THOC6: variants seen among roughly 807,000 people sequenced by gnomAD.
THOC6 encodes THO complex subunit 6.
Under a neutral mutation model 55.8 loss-of-function variants are expected in THOC6, and 39 were observed. That is an observed-to-expected ratio of 0.70 (90% CI 0.54 to 0.91). The LOEUF (loss-of-function observed/expected upper bound fraction) is 0.91. Ranked by LOEUF, THOC6 falls within the 40% of genes least tolerant of loss-of-function variation. THOC6 has a pLI of 0.00. For missense variants in THOC6, 482 were observed against 442.0 expected, an observed-to-expected ratio of 1.09 and a Z score of -0.81; for synonymous variants, 192 against 175.6, an observed-to-expected ratio of 1.09 and a Z score of -0.74.
Position 3,027,244 on chromosome 16 carries a change from G to A in THOC6, c.774G>A (p.Arg258=). Residue 258 remains arginine (R), a synonymous_variant, in exon 11 of 13, where the codon CGG becomes CGA. Coordinates refer to ENST00000326266, the MANE Select transcript of THOC6 (RefSeq NM_024339.5). ...SSTPTTIFPI[R]APQKHVTFYQ... is the part of the protein sequence containing the mutation. ...CACCCACCACCATCTTCCCCATCCGGGCGCCACAGAAGCACGTCACCTTCT... is the reference window on the plus strand; with the variant it reads ...CACCCACCACCATCTTCCCCATCCGAGCGCCACAGAAGCACGTCACCTTCT... 6.2e-7 allele frequency: 1 copy of A among 1,614,132 alleles called. No individual in the cohort carries two copies. The highest frequency in any genetic ancestry group is 8.5e-7 in the Non-Finnish European group (1 of 1,180,030).
intron 1 of THOC6, among the ~76,000 whole-genome samples, chr16:3,025,081 T>C (rs941405771): frequency 3.3e-5 from 5 of 151,816 alleles, no homozygotes; most frequent in African/African-American, 9.7e-5. Context: ...TAGCTGAGAT[T>C]ACAGGCATGC....
At position 3,027,384 on chromosome 16, in the gene THOC6, G is replaced by C. The variant is rs2072825823; in HGVS notation, c.829G>C (p.Gly277Arg). 6.2e-7 allele frequency: 1 copy of C among 1,612,820 alleles called. No individual in the cohort carries two copies. The highest frequency in any genetic ancestry group is 1.3e-5 in the African/African-American group (1 of 75,064). ...YQDLILSAGQ[G>R]RCVNQWQLSG... ...TCTGCAGATTCTGTCAGCTGGCCAG[G>C]GCCGCTGCGTCAACCAGTGGCAGCT... The change falls in exon 12 of 13, where the codon GGC becomes CGC. Residue 277 changes from glycine (G) to arginine (R), a missense_variant. Gly to Arg is a moderately radical substitution (Grantham distance 125). Coordinates refer to ENST00000326266, the MANE Select transcript of THOC6 (RefSeq NM_024339.5).
At position 3,026,506 on chromosome 16, in the gene THOC6, TC is replaced by T. The variant is rs1012848748; in HGVS notation, c.412-8del. 1.9e-6 allele frequency: 3 copies of T among 1,614,060 alleles called. No homozygotes were observed. The Admixed American group carries it at 5.0e-5, about 27-fold the overall frequency. ...ACATTGACTTTCTGCCTCATCCTGC[TC>T]CTCCACAGGAGAATTCCCTCATCCT... On this transcript the variant is annotated splice_polypyrimidine_tract_variant and intron_variant, in intron 6 of 12. Transcript: ENST00000326266.
chr16:3,024,684 GAGTGC>G (rs1239838208), intron 1 of THOC6, among the ~76,000 whole-genome samples: 1 of 135,468 alleles, frequency 7.4e-6, no homozygotes, highest in Non-Finnish European at 1.5e-5. Context: ...ACCTAGGCTA[GAGTGC>G]AGTGGCGCGA....
Position 3,026,700 on chromosome 16 carries a change from G to A in THOC6, c.505G>A (p.Asp169Asn). 1 of 1,613,642 alleles carries A rather than the reference G, an allele frequency of 6.2e-7. No homozygotes were observed. Among genetic ancestry groups the A allele is most frequent in the South Asian group, 1.1e-5 (1 of 90,996 alleles). Residue 169 changes from aspartate (D) to asparagine (N), a missense_variant, in exon 8 of 13, where the codon GAC (aspartate) becomes AAC (asparagine). Transcript: ENST00000326266. ...TFTRVLRGHT[D>N]YIHCLALRER... ...GCAGAGGGTCCTCCGGGGCCACACA[G>A]ACTACATCCACTGCCTGGCACTGCG...
chr16:3,025,895 C>T (rs1039869394), intron 2 of THOC6, 29 bp from the exon 3 acceptor site: 2 of 1,614,246 alleles, frequency 1.2e-6, no homozygotes, highest in Non-Finnish European at 8.5e-7. Context: ...CCGTTTCTGA[C>T]TCCTGGGTCC....
intron 1 of THOC6, among the ~76,000 whole-genome samples, chr16:3,025,175 C>A (rs1388519804): frequency 6.6e-6 from 1 of 152,102 alleles, no homozygotes; most frequent in Non-Finnish European, 1.5e-5. Context: ...CTCCTGACCT[C>A]AGGTGGTCCA....
At chr16:3,024,447 C>T (rs1433051219) in intron 1 of THOC6, 82 bp downstream of exon 1, 3 of 1,570,070 alleles carry the variant, frequency 1.9e-6, no homozygotes, top group Non-Finnish European at 2.6e-6. Context: ...GAATCGTGCC[C>T]TGAGCCCTGT....
Position 3,027,608 on chromosome 16 carries a change from T to G in THOC6, c.977T>G (p.Val326Gly), listed in dbSNP as rs1596479453. ...VLTAAGNSCR[V>G]DVFTNLGYRA... is the part of the protein sequence containing the mutation. ...ACAGCTGCAGGCAACAGCTGCCGGG[T>G]GGATGTCTTCACCAACCTGGGTTAC... Residue 326 changes from valine to glycine, a missense_variant, in exon 13 of 13, where the codon GTG becomes GGG. Transcript: ENST00000326266. 1 of 1,614,070 alleles carries G rather than the reference T, an allele frequency of 6.2e-7. No homozygotes were observed. The highest frequency in any genetic ancestry group is 8.5e-7 in the Non-Finnish European group (1 of 1,179,986).
rs374952281 is a variant in THOC6, at chr16:3,026,272, C to G, written c.346C>G (p.Arg116Gly). 5 of 1,614,090 alleles carry G rather than the reference C, an allele frequency of 3.1e-6. No individual in the cohort carries two copies. The highest frequency in any genetic ancestry group is 4.2e-6 in the Non-Finnish European group (5 of 1,180,024). ...LKKGCKELWR[R>G]QPPYRTSLEV... is the part of the protein sequence containing the mutation. The stretch of plus-strand genomic sequence containing the variant: ...GAAGGGCTGTAAGGAGCTGTGGCGT[C>G]GTCAGCCTCCATACAGGTGAGCAGG... Residue 116 changes from arginine to glycine, a missense_variant, in exon 5 of 13, where the codon CGT (arginine) becomes GGT (glycine). By Grantham distance (125) the Arg-to-Gly change is moderately radical (BLOSUM62 -2). Coordinates refer to ENST00000326266, the MANE Select transcript of THOC6 (RefSeq NM_024339.5).
rs1596474458 is a variant in THOC6, at chr16:3,024,262, T to C, written c.-65T>C. ...AGGGCGCCACGGAGAGGAACCGCTC[T>C]AGGCACGTAAGGCCTCGTGAGGTTG... On this transcript the variant is annotated 5_prime_UTR_variant, in exon 1 of 13. Coordinates refer to ENST00000326266, the MANE Select transcript of THOC6 (RefSeq NM_024339.5). 1 of 1,605,232 alleles carries C rather than the reference T, an allele frequency of 6.2e-7. No individual in the cohort carries two copies. The highest frequency in any genetic ancestry group is 8.5e-7 in the Non-Finnish European group (1 of 1,172,380).
Position 3,027,228 on chromosome 16 carries a change from C to T in THOC6, c.758C>T (p.Thr253Ile). The T allele has an allele frequency of 6.2e-7, 1 of 1,614,194 alleles. No homozygotes were observed. Among genetic ancestry groups the T allele is most frequent in the East Asian group, 2.2e-5 (1 of 44,886 alleles). The change falls in exon 11 of 13, where the codon ACC (threonine) becomes ATC (isoleucine). Residue 253 changes from threonine (T) to isoleucine (I), a missense_variant. By Grantham distance (89) the Thr-to-Ile change is moderately conservative. Coordinates refer to ENST00000326266, the MANE Select transcript of THOC6 (RefSeq NM_024339.5). The part of the protein sequence containing the change: ...LWHLRSSTPT[T>I]IFPIRAPQKH... ...CACCTCCGATCCTCCACACCCACCA[C>T]CATCTTCCCCATCCGGGCGCCACAG...
At chr16:3,025,902 G>T in intron 2 of THOC6, 22 bp from the exon 3 acceptor site, 1 of 1,614,202 alleles carries the variant, frequency 6.2e-7, no homozygotes, top group South Asian at 1.1e-5. Flanking sequence ...TGACTCCTGG[G>T]TCCCCTCCGC....
At position 3,026,363 on chromosome 16, in the gene THOC6, A is replaced by T; in HGVS notation, c.363-2A>T. ...TCACTGACCTTGCCTTTCCTTCCCCAGGACCAGCCTGGAAGTGCCTGAGAT... is the reference window on the plus strand; with the variant it reads ...TCACTGACCTTGCCTTTCCTTCCCCTGGACCAGCCTGGAAGTGCCTGAGAT... On this transcript the variant is annotated splice_acceptor_variant, in intron 5 of 12. Transcript: ENST00000326266. LOFTEE classifies it high-confidence loss of function. 2 of 1,614,040 alleles carry T rather than the reference A, an allele frequency of 1.2e-6. No homozygotes were observed. Among genetic ancestry groups the T allele is most frequent in the Non-Finnish European group, 1.7e-6 (2 of 1,180,022 alleles).
chr16:3,026,950 C>A, intron 9 of THOC6, 34 bp downstream of exon 9: 1 of 1,614,142 alleles, frequency 6.2e-7, no homozygotes, highest in Non-Finnish European at 8.5e-7. Flanking sequence ...GTCCTCTTCT[C>A]CCCCAACTCC....
At chr16:3,026,641 TC>T (rs1012017750) in intron 7 of THOC6, 37 bp from the exon 8 acceptor site, 1 of 1,610,730 alleles carries the variant, frequency 6.2e-7, no homozygotes, top group African/African-American at 1.3e-5. Flanking sequence ...GAGGCACTCT[TC>T]CTAGGTCTCC....
chr16:3,026,662 C>T lies in THOC6; in HGVS notation c.484-17C>T, dbSNP rs960274. On this transcript the variant is annotated splice_polypyrimidine_tract_variant and intron_variant, in intron 7 of 12. Transcript: ENST00000326266. The stretch of plus-strand genomic sequence containing the variant: ...CTCTTCCTAGGTCTCCTCCTGACAT[C>T]GCCCCTCTACATGCAGAGGGTCCTC... 40,224 of 1,610,050 alleles carry T rather than the reference C, an allele frequency of 0.025. 2,800 individuals are homozygous for T. In the East Asian group the frequency reaches 0.31, roughly 12 times the overall value.
intron 1 of THOC6, 106 bp from the exon 2 acceptor site, chr16:3,025,602 G>C: frequency 9.6e-7 from 1 of 1,039,692 alleles, no homozygotes; most frequent in Non-Finnish European, 1.5e-6. Context: ...AGGCTGAGAA[G>C]TCAGGACAGT....
Position 3,027,415 on chromosome 16 carries a change from G to C in THOC6, c.860G>C (p.Gly287Ala), listed in dbSNP as rs1238646019. 6.2e-7 allele frequency: 1 copy of C among 1,612,374 alleles called. No homozygotes were observed. Among genetic ancestry groups the C allele is most frequent in the South Asian group, 1.1e-5 (1 of 91,022 alleles). ...GRCVNQWQLSGELKAQVPGSS... is the reference protein window; with the variant it reads ...GRCVNQWQLSAELKAQVPGSS... Reference sequence around the variant, plus strand: ...TGCGTCAACCAGTGGCAGCTGAGCGGGGAGCTGAAGGCCCAGGTGCCTGGC... The same window carrying C: ...TGCGTCAACCAGTGGCAGCTGAGCGCGGAGCTGAAGGCCCAGGTGCCTGGC... The change falls in exon 12 of 13, where the codon GGG becomes GCG. Residue 287 changes from glycine (G) to alanine (A), a missense_variant. Gly to Ala is a moderately conservative substitution (Grantham distance 60). Coordinates refer to ENST00000326266, the MANE Select transcript of THOC6 (RefSeq NM_024339.5).
Sources: allele counts gnomAD v4.1 joint callset (sites outside exome capture counted in the v4.1 genomes callset), GRCh38; gene constraint gnomAD v4.1.1; transcripts MANE v1.5; gene names NCBI Gene and HGNC (gene_info 2026-07-23, HGNC 2026-07-21).